Variants in NIPBL observed in about 807,000 individuals in gnomAD.
The protein encoded by NIPBL is nipped-B-like protein.
NIPBL carries 19 observed loss-of-function variants against 321.8 expected under a neutral mutation model. That is an observed-to-expected ratio of 0.06 (90% confidence interval 0.04 to 0.09). The LOEUF is 0.09. NIPBL is among the 10% of genes least tolerant of loss of function. The probability of loss-of-function intolerance (pLI) is 1.00; values close to 1 mark genes in which losing one functional copy is unlikely to be tolerated. For synonymous variants in NIPBL, 1,106 were observed against 1,114.1 expected (o/e 0.99, Z 0.14); for missense variants, 2,210 against 3,327.0 (o/e 0.66, Z 8.26).
At chr5:37,031,778 A>C (rs995200032) in intron 32 of NIPBL, among the ~76,000 whole-genome samples, 9 of 152,268 alleles carry the variant, frequency 5.9e-5, no homozygotes, top group African/African-American at 1.9e-4. Context: ...AAAAAGGAAC[A>C]GGGTATTAAT....
At chr5:36,889,033 G>A (rs1746125398) in intron 1 of NIPBL, among the ~76,000 whole-genome samples, 1 of 152,130 alleles carries the variant, frequency 6.6e-6, no homozygotes, top group African/African-American at 2.4e-5. Flanking sequence ...TTGGTGGCTT[G>A]CACATAGTAA....
chr5:36,929,167 G>C (rs1185057076), intron 1 of NIPBL, among the ~76,000 whole-genome samples: 1 of 152,112 alleles, frequency 6.6e-6, no homozygotes, highest in Non-Finnish European at 1.5e-5. Context: ...ACAGTTAATA[G>C]TGTCTTTTTT....
At chr5:36,987,623 C>T (rs1381302822) in intron 10 of NIPBL, among the ~76,000 whole-genome samples, 3 of 152,126 alleles carry the variant, frequency 2.0e-5, no homozygotes, top group Non-Finnish European at 4.4e-5. Context: ...GCTTGGTCTT[C>T]GTCAACATTC....
intron 32 of NIPBL, among the ~76,000 whole-genome samples, chr5:37,035,392 C>A (rs1751572490): frequency 1.3e-5 from 2 of 152,178 alleles, no homozygotes; most frequent in Admixed American, 6.5e-5. Flanking sequence ...TTATTTATTT[C>A]TTCAAATTGG....
intron 32 of NIPBL, among the ~76,000 whole-genome samples, chr5:37,031,602 A>G (rs1751025686): frequency 6.6e-6 from 1 of 152,238 alleles, no homozygotes; most frequent in Admixed American, 6.5e-5. Flanking sequence ...TAAGGAAAAT[A>G]CAGGCAATGA....
intron 42 of NIPBL, 82 bp downstream of exon 42, chr5:37,052,648 C>A (rs936411686): frequency 2.9e-6 from 3 of 1,023,624 alleles, no homozygotes; most frequent in Non-Finnish European, 4.5e-6. Flanking sequence ...TAAATATTAC[C>A]ATTTTATTAG....
chr5:37,052,323 CT>C, intron 41 of NIPBL, 42 bp from the exon 42 acceptor site: 3 of 1,503,106 alleles, frequency 2.0e-6, no homozygotes, highest in Non-Finnish European at 2.8e-6. Flanking sequence ...TAATTTGTGT[CT>C]TTTAATTTCC....
chr5:36,897,597 A>G (rs1273678174), intron 1 of NIPBL, among the ~76,000 whole-genome samples: 1 of 152,182 alleles, frequency 6.6e-6, no homozygotes, highest in Non-Finnish European at 1.5e-5. Flanking sequence ...AGATCAGACA[A>G]CTCAGAAGAA....
intron 45 of NIPBL, 31 bp downstream of exon 45, chr5:37,061,049 T>C: frequency 6.3e-7 from 1 of 1,577,958 alleles, no homozygotes; most frequent in South Asian, 1.1e-5. Context: ...TTTTTACTTC[T>C]CATAAGGGCT....
At chr5:36,926,374 GT>G (rs1369507811) in intron 1 of NIPBL, among the ~76,000 whole-genome samples, 3 of 152,080 alleles carry the variant, frequency 2.0e-5, no homozygotes, top group African/African-American at 7.2e-5. Flanking sequence ...TATTCAGCTG[GT>G]AGATGGGCTG....
Position 37,009,528 on chromosome 5 carries a change from A to G in NIPBL, c.4422-559A>G, listed in dbSNP as rs1407866269. Among the ~76,000 whole-genome samples the G allele has an allele frequency of 2.0e-5, 3 of 152,242 alleles. No homozygotes were observed. The East Asian group carries it at 5.8e-4, about 29-fold the overall frequency. On this transcript the variant is annotated intron_variant, in intron 20 of 46. Coordinates refer to ENST00000282516, the MANE Select transcript of NIPBL (RefSeq NM_133433.4). ...TTTTTTGGACTAATTGTATACTGAT[A>G]AACATTTATTGTCTGTTAAACCTGA...
intron 21 of NIPBL, among the ~76,000 whole-genome samples, chr5:37,012,970 G>C (rs1030919848): frequency 9.2e-5 from 14 of 152,182 alleles, no homozygotes; most frequent in African/African-American, 3.4e-4. Context: ...CGTTCTCAAT[G>C]AGCTGTTGGG....
In NIPBL at chr5:36,904,336, G is replaced by C. The variant is rs1381082752; in HGVS notation, c.-80+27158G>C. ...ATTCAAAAAATTAGCCGGGCATGGT[G>C]GCGTGTGCCTGTAATCCCACTACTT... On this transcript the variant is annotated intron_variant, in intron 1 of 46. Transcript: ENST00000282516. 2.6e-5 allele frequency among the ~76,000 whole-genome samples: 4 copies of C among 152,278 alleles called. No individual in the cohort carries two copies. In the East Asian group the frequency reaches 7.7e-4, roughly 29 times the overall value.
chr5:36,949,095 TAC>T (rs1740000735), intron 1 of NIPBL, among the ~76,000 whole-genome samples: 1 of 151,908 alleles, frequency 6.6e-6, no homozygotes, highest in Admixed American at 6.6e-5. Context: ...CTAAGAACTT[TAC>T]ACATATTATT....
chr5:37,026,366 C>A, intron 31 of NIPBL, 39 bp downstream of exon 31: 1 of 1,205,750 alleles, frequency 8.3e-7, no homozygotes, highest in Non-Finnish European at 1.2e-6. Context: ...CACTGTTGAT[C>A]CAGACCTAAT....
chr5:36,901,991 A>G (rs1747267586), intron 1 of NIPBL, among the ~76,000 whole-genome samples: 1 of 151,708 alleles, frequency 6.6e-6, no homozygotes, highest in African/African-American at 2.4e-5. Flanking sequence ...TTTGATTTGC[A>G]TTTCTCTAAT....
At chr5:36,921,085 T>C (rs1748903591) in intron 1 of NIPBL, among the ~76,000 whole-genome samples, 1 of 152,108 alleles carries the variant, frequency 6.6e-6, no homozygotes, top group South Asian at 2.1e-4. Flanking sequence ...CTAGTTTTCT[T>C]AGCTAATTTT....
At chr5:37,064,169 T>C in intron 46 of NIPBL, 191 bp downstream of exon 46, 1 of 1,419,644 alleles carries the variant, frequency 7.0e-7, no homozygotes, top group Non-Finnish European at 9.2e-7. Flanking sequence ...TAAAAGACAA[T>C]AAAAAAACAG....
At chr5:36,971,134 A>G in intron 7 of NIPBL, 98 bp downstream of exon 7, 2 of 935,552 alleles carry the variant, frequency 2.1e-6, no homozygotes. Flanking sequence ...CCTACCGTAT[A>G]TCATTATACT....
Sources: gnomAD v4.1 joint callset for allele counts (sites outside exome capture counted in the v4.1 genomes callset) on GRCh38, gnomAD v4.1.1 for gene constraint, MANE v1.5 for transcripts, NCBI Gene and HGNC (gene_info 2026-07-23, HGNC 2026-07-21) for gene names.